Variants in PIP5K1B observed in about 807,000 individuals in gnomAD.
PIP5K1B encodes the protein phosphatidylinositol-4-phosphate 5-kinase type 1 beta.
Under a neutral mutation model 67.0 loss-of-function variants are expected in PIP5K1B, and 42 were observed. That is an observed-to-expected ratio of 0.63 (90% CI 0.49 to 0.81). The LOEUF is 0.81. Ranked by LOEUF, PIP5K1B falls within the 30% of genes least tolerant of loss-of-function variation. The pLI is 0.00. For missense variants in PIP5K1B, 459 were observed against 646.3 expected (o/e 0.71, Z 3.14); for synonymous variants, 214 against 231.4 (o/e 0.92, Z 0.68).
At chr9:68,792,137 A>G (rs1257214682) in intron 2 of PIP5K1B, among the ~76,000 whole-genome samples, 2 of 152,232 alleles carry the variant, frequency 1.3e-5, no homozygotes, top group East Asian at 1.9e-4. Context: ...GCTTCCCTCT[A>G]TAAAGGCAAT....
chr9:68,866,271 G>A (rs563305707), intron 5 of PIP5K1B, among the ~76,000 whole-genome samples: 1 of 151,380 alleles, frequency 6.6e-6, no homozygotes, highest in East Asian at 1.9e-4. Flanking sequence ...ACTCCAGTCT[G>A]GGCGACAGGG....
chr9:68,951,560 G>C (rs1408540617), intron 14 of PIP5K1B, among the ~76,000 whole-genome samples: 2 of 152,158 alleles, frequency 1.3e-5, no homozygotes, highest in African/African-American at 4.8e-5. Flanking sequence ...TTAGGGAACC[G>C]GTCGAGCCTT....
chr9:68,860,736 A>T (rs1232269931), intron 4 of PIP5K1B, among the ~76,000 whole-genome samples: 1 of 152,162 alleles, frequency 6.6e-6, no homozygotes, highest in African/African-American at 2.4e-5. Flanking sequence ...GTAAAATGGG[A>T]ACAGTTGTTA....
Position 68,863,915 on chromosome 9 carries a change from C to A in PIP5K1B, c.148C>A (p.Arg50=). The change falls in exon 5 of 16, where the codon CGA becomes AGA. Residue 50 remains arginine, a synonymous_variant. Transcript: ENST00000265382. ...GGGTAATCTCACTTCCAAGCCAGAA[C>A]GAGATGTTCTTATGCAAGACTTTTA... ...TVGNLTSKPE[R]DVLMQDFYVV... 1 of 1,613,720 alleles carries A rather than the reference C, an allele frequency of 6.2e-7. No individual in the cohort carries two copies. Among genetic ancestry groups the A allele is most frequent in the Non-Finnish European group, 8.5e-7 (1 of 1,179,660 alleles).
chr9:68,992,832 C>T (rs1200279656), intron 15 of PIP5K1B, among the ~76,000 whole-genome samples: 1 of 98,618 alleles, frequency 1.0e-5, no homozygotes, highest in Non-Finnish European at 1.9e-5. Flanking sequence ...AGAGCATGAC[C>T]CTGTCTCAAA....
At chr9:68,789,428 ACT>A (rs1432846285) in intron 2 of PIP5K1B, 2 of 472,032 alleles carry the variant, frequency 4.2e-6, no homozygotes, top group Non-Finnish European at 8.5e-6. Context: ...CAGTGAAGAA[ACT>A]CTGACAAATA....
At chr9:68,805,003 G>A (rs1832791283) in intron 2 of PIP5K1B, among the ~76,000 whole-genome samples, 1 of 152,226 alleles carries the variant, frequency 6.6e-6, no homozygotes, top group African/African-American at 2.4e-5. Context: ...CAGAATGCAA[G>A]TGCGTTGGCT....
At chr9:68,972,229 T>C (rs1411286072) in intron 14 of PIP5K1B, among the ~76,000 whole-genome samples, 1 of 152,216 alleles carries the variant, frequency 6.6e-6, no homozygotes, top group East Asian at 1.9e-4. Context: ...CCCAACACCA[T>C]TTATTAAATA....
chr9:68,941,548 C>T (rs1827562163), intron 14 of PIP5K1B, among the ~76,000 whole-genome samples: 1 of 152,096 alleles, frequency 6.6e-6, no homozygotes. Context: ...TTTATATAAG[C>T]ACTGTTTTAT....
chr9:68,912,248 T>TA (rs1825890057), intron 8 of PIP5K1B, among the ~76,000 whole-genome samples: 1 of 152,246 alleles, frequency 6.6e-6, no homozygotes, highest in African/African-American at 2.4e-5. Flanking sequence ...TCTGTTGTTT[T>TA]ATCCCTGAAG....
intron 4 of PIP5K1B, among the ~76,000 whole-genome samples, chr9:68,860,582 A>G (rs1823015453): frequency 6.6e-6 from 1 of 152,208 alleles, no homozygotes; most frequent in Non-Finnish European, 1.5e-5. Flanking sequence ...TCATACTTAA[A>G]AGAGAACTTC....
At chr9:68,909,645 AC>A (rs934880991) in intron 8 of PIP5K1B, among the ~76,000 whole-genome samples, 5 of 152,178 alleles carry the variant, frequency 3.3e-5, no homozygotes, top group Admixed American at 6.5e-5. Flanking sequence ...TTTGCTGATT[AC>A]ACCACATTGT....
chr9:68,743,760 A>T (rs1829133915), intron 2 of PIP5K1B, among the ~76,000 whole-genome samples: 1 of 152,134 alleles, frequency 6.6e-6, no homozygotes, highest in African/African-American at 2.4e-5. Context: ...GCATGTTAAG[A>T]TTTGCTTTTC....
At chr9:68,778,068 G>A (rs1045115970) in intron 2 of PIP5K1B, among the ~76,000 whole-genome samples, 14 of 151,878 alleles carry the variant, frequency 9.2e-5, no homozygotes, top group African/African-American at 3.1e-4. Context: ...CCTTTGTTTC[G>A]TCTCAGAATT....
At chr9:68,957,201 T>C (rs977748874) in intron 14 of PIP5K1B, among the ~76,000 whole-genome samples, 6 of 150,830 alleles carry the variant, frequency 4.0e-5, no homozygotes, top group Admixed American at 3.3e-4. Flanking sequence ...ACGTCCTCTC[T>C]CCAGGGACTT....
intron 9 of PIP5K1B, among the ~76,000 whole-genome samples, chr9:68,918,090 TATTTA>T (rs1564232345): frequency 1.5e-5 from 2 of 134,818 alleles, no homozygotes; most frequent in African/African-American, 2.6e-5. Context: ...ATTGTTTATT[TATTTA>T]TTTTTTTTTT....
At chr9:68,948,001 C>G (rs1283373937) in intron 14 of PIP5K1B, among the ~76,000 whole-genome samples, 1 of 152,210 alleles carries the variant, frequency 6.6e-6, no homozygotes, top group Non-Finnish European at 1.5e-5. Context: ...CAAAACATTT[C>G]TGCTTTATTA....
intron 2 of PIP5K1B, chr9:68,788,198 G>C: frequency 3.1e-6 from 1 of 319,356 alleles, no homozygotes; most frequent in South Asian, 3.1e-5. Context: ...GGGGAAAAAG[G>C]AATGTGTGGG....
At chr9:68,812,432 C>CA (rs914868174) in intron 2 of PIP5K1B, among the ~76,000 whole-genome samples, 5 of 151,858 alleles carry the variant, frequency 3.3e-5, no homozygotes, top group African/African-American at 1.2e-4. Flanking sequence ...ACTACATAGT[C>CA]AAAAAAAAGT....
Sources: gnomAD v4.1 joint callset for allele counts (sites outside exome capture counted in the v4.1 genomes callset) on GRCh38, gnomAD v4.1.1 for gene constraint, MANE v1.5 for transcripts, NCBI Gene and HGNC (gene_info 2026-07-23, HGNC 2026-07-21) for gene names.